The following DAD1 variants were observed in gnomAD, a reference collection of about 807,000 sequenced individuals.
The protein encoded by DAD1 is dolichyl-diphosphooligosaccharide--protein glycosyltransferase subunit DAD1.
DAD1 carries 4 observed loss-of-function variants against 9.0 expected under a neutral mutation model. That is an observed-to-expected ratio of 0.44 (90% CI 0.22 to 1.01). The LOEUF is 1.01. DAD1 is among the 50% of genes least tolerant of loss of function. The pLI, the probability that DAD1 is intolerant of heterozygous loss-of-function variation, is 0.24. For missense variants in DAD1, 119 were observed against 137.3 expected (o/e 0.87, Z 0.67); for synonymous variants, 60 against 62.5 (o/e 0.96, Z 0.19).
rs1290765090 is a variant in DAD1, at chr14:22,565,180, G to C, written c.*45-43C>G. 3 of 701,288 alleles carry C rather than the reference G, an allele frequency of 4.3e-6. No homozygotes were observed. The South Asian group carries it at 4.5e-5, about 10-fold the overall frequency. 43.4% of individuals were successfully genotyped at this position (701,288 alleles called of 1,614,324 possible). ...CAAGGTTAAATGTCTTATGATACTA[G>C]AGACAGGGCCCCAAATCCTTCCATC... On this transcript the variant is annotated intron_variant, in intron 2 of 2. Transcript: ENST00000250498.
At chr14:22,566,819 G>C (rs144919537) in intron 2 of DAD1, among the ~76,000 whole-genome samples, 6 of 152,324 alleles carry the variant, frequency 3.9e-5, no homozygotes, top group African/African-American at 7.2e-5. Flanking sequence ...GGCAAAAATT[G>C]ACTCATGAGA....
chr14:22,577,026 T>C (rs1278718950), intron 1 of DAD1, among the ~76,000 whole-genome samples: 1 of 152,140 alleles, frequency 6.6e-6, no homozygotes, highest in Admixed American at 6.5e-5. Context: ...GAAAATCAAA[T>C]AGGGTAGCCA....
chr14:22,574,593 T>C (rs1161896569), intron 2 of DAD1, among the ~76,000 whole-genome samples: 1 of 152,226 alleles, frequency 6.6e-6, no homozygotes, highest in Non-Finnish European at 1.5e-5. Context: ...TTATTTCTAC[T>C]TTAAGGCACA....
intron 1 of DAD1, among the ~76,000 whole-genome samples, chr14:22,575,536 C>T (rs2037070718): frequency 6.7e-6 from 1 of 149,276 alleles, no homozygotes; most frequent in African/African-American, 2.6e-5. Context: ...TTGGGCAACA[C>T]AATCAAAAAC....
chr14:22,578,627 T>TA (rs1329004634), intron 1 of DAD1, among the ~76,000 whole-genome samples: 2 of 152,234 alleles, frequency 1.3e-5, no homozygotes, highest in East Asian at 3.8e-4. Context: ...TAAAACTTGG[T>TA]AAAACCAATC....
chr14:22,582,100 G>A (rs532380623), intron 1 of DAD1, among the ~76,000 whole-genome samples: 1 of 152,020 alleles, frequency 6.6e-6, no homozygotes, highest in East Asian at 1.9e-4. Context: ...CCAGCTACTA[G>A]GGAGGCTGAG....
intron 2 of DAD1, among the ~76,000 whole-genome samples, chr14:22,568,316 G>A (rs918776183): frequency 2.0e-5 from 3 of 152,216 alleles, no homozygotes; most frequent in Non-Finnish European, 2.9e-5. Context: ...GCCTGTTAAC[G>A]TGGGAACTAG....
At chr14:22,585,972 C>T (rs1282451364) in intron 1 of DAD1, among the ~76,000 whole-genome samples, 6 of 151,180 alleles carry the variant, frequency 4.0e-5, no homozygotes, top group Non-Finnish European at 4.4e-5. Flanking sequence ...TTTAGGAGGC[C>T]GAGGCGGGCG....
chr14:22,571,226 A>G (rs1444592644), intron 2 of DAD1, among the ~76,000 whole-genome samples: 1 of 149,164 alleles, frequency 6.7e-6, no homozygotes, highest in Non-Finnish European at 1.5e-5. Flanking sequence ...GCGGCAGGAG[A>G]ATTGCTTGAA....
chr14:22,582,232 A>G (rs769877956), intron 1 of DAD1, among the ~76,000 whole-genome samples: 1 of 150,150 alleles, frequency 6.7e-6, no homozygotes, highest in Non-Finnish European at 1.5e-5. Flanking sequence ...AAATAAAAAT[A>G]GGCCAGGCGC....
chr14:22,577,082 A>G (rs2139241749), intron 1 of DAD1, among the ~76,000 whole-genome samples: 1 of 152,312 alleles, frequency 6.6e-6, no homozygotes, highest in South Asian at 2.1e-4. Flanking sequence ...TAAAAACAGA[A>G]TTGCCATATC....
intron 2 of DAD1, chr14:22,566,977 A>C (rs1369197655): frequency 6.6e-6 from 1 of 152,214 alleles, no homozygotes; most frequent in Admixed American, 6.5e-5. Flanking sequence ...TTGACTACTC[A>C]ACAGCTAAGA....
chr14:22,584,912 G>C (rs1174705924), intron 1 of DAD1, among the ~76,000 whole-genome samples: 1 of 152,268 alleles, frequency 6.6e-6, no homozygotes, highest in African/African-American at 2.4e-5. Flanking sequence ...CAGTAAGGAG[G>C]ATTACAGTAG....
chr14:22,571,485 G>C, intron 2 of DAD1, among the ~76,000 whole-genome samples: 1 of 152,032 alleles, frequency 6.6e-6, no homozygotes, highest in Admixed American at 6.6e-5. Flanking sequence ...AGGTGTGCAT[G>C]GATTTCTGGG....
At chr14:22,581,621 C>T (rs8020270) in intron 1 of DAD1, among the ~76,000 whole-genome samples, 13,575 of 151,586 alleles carry the variant, frequency 0.09, 1,114 homozygotes, top group African/African-American at 0.21. Context: ...TGCATGCCTG[C>T]AATCCCAGCT....
intron 1 of DAD1, among the ~76,000 whole-genome samples, chr14:22,588,053 C>T (rs1242628802): frequency 1.3e-5 from 2 of 152,208 alleles, no homozygotes; most frequent in African/African-American, 4.8e-5. Flanking sequence ...AATTCCAATG[C>T]TGTATTTTGT....
At chr14:22,582,638 C>T (rs1406571321) in intron 1 of DAD1, among the ~76,000 whole-genome samples, 1 of 152,148 alleles carries the variant, frequency 6.6e-6, no homozygotes, top group Admixed American at 6.5e-5. Context: ...TTGGAGAAGA[C>T]AGAGCTTGCT....
chr14:22,578,931 G>GA (rs1358460810), intron 1 of DAD1, among the ~76,000 whole-genome samples: 1 of 152,148 alleles, frequency 6.6e-6, no homozygotes. Flanking sequence ...ATTATACCTA[G>GA]ATGGGGATGC....
chr14:22,570,129 A>G (rs1566369970), intron 2 of DAD1, among the ~76,000 whole-genome samples: 1 of 152,198 alleles, frequency 6.6e-6, no homozygotes, highest in Admixed American at 6.5e-5. Context: ...GAAATATCAA[A>G]GAGAAAATGA....
Sources: allele counts gnomAD v4.1 joint callset (sites outside exome capture counted in the v4.1 genomes callset), GRCh38; gene constraint gnomAD v4.1.1; transcripts MANE v1.5; gene names NCBI Gene and HGNC (gene_info 2026-07-23, HGNC 2026-07-21).